The following LGSN variants were observed in gnomAD, a reference collection of about 807,000 sequenced individuals.
The protein encoded by LGSN is lengsin.
In LGSN, 21 loss-of-function variants were observed where a neutral mutation model predicts 19.5. The ratio of observed to expected loss-of-function variants is 1.07; its 90% CI spans 0.76 to 1.55. LGSN has a LOEUF of 1.55. LGSN is among the 40% of genes most tolerant of loss of function. The pLI is 0.00. For synonymous variants in LGSN, 257 were observed against 215.6 expected, an observed-to-expected ratio of 1.19 and a Z score of -1.68; for missense variants, 673 against 608.5, an observed-to-expected ratio of 1.11 and a Z score of -1.12.
chr6:63,467,091 AG>A, the LGSN span, among the ~76,000 whole-genome samples: 8 of 152,276 alleles, frequency 5.3e-5, no homozygotes, highest in East Asian at 1.2e-3. Flanking sequence ...CCACCATTAA[AG>A]GGTCCAGGAA....
At chr6:63,348,481 G>A in the LGSN span, among the ~76,000 whole-genome samples, 7,160 of 152,004 alleles carry the variant, frequency 0.047, 327 homozygotes, top group African/African-American at 0.12. Flanking sequence ...ATATGGAAAT[G>A]TAATTAAGCA....
chr6:63,364,282 A>C, the LGSN span, among the ~76,000 whole-genome samples: 18 of 152,204 alleles, frequency 1.2e-4, no homozygotes, highest in Admixed American at 1.1e-3. Context: ...AACGGGTTGC[A>C]ATCCCAGTCT....
chr6:63,490,405 A>C, the LGSN span, among the ~76,000 whole-genome samples: 1 of 152,158 alleles, frequency 6.6e-6, no homozygotes, highest in Non-Finnish European at 1.5e-5. Flanking sequence ...ATGACCAATC[A>C]AGCAAAAAAC....
chr6:63,547,126 T>G, the LGSN span, among the ~76,000 whole-genome samples: 1 of 152,218 alleles, frequency 6.6e-6, no homozygotes, highest in African/African-American at 2.4e-5. Flanking sequence ...TATAATAAGA[T>G]TAATCACTCT....
At chr6:63,497,228 C>T in the LGSN span, among the ~76,000 whole-genome samples, 1 of 152,048 alleles carries the variant, frequency 6.6e-6, no homozygotes, top group Non-Finnish European at 1.5e-5. Flanking sequence ...GCCTCAGCCT[C>T]CCAAAGTGGT....
chr6:63,290,537 A>G (rs371804771), intron 2 of LGSN, among the ~76,000 whole-genome samples: 1 of 152,324 alleles, frequency 6.6e-6, no homozygotes, highest in East Asian at 1.9e-4. Context: ...TTATGTAAAA[A>G]TCTTGAGTTC....
chr6:63,528,745 A>G, the LGSN span, among the ~76,000 whole-genome samples: 3 of 152,110 alleles, frequency 2.0e-5, no homozygotes, highest in East Asian at 5.8e-4. Context: ...CCTGGGGGAC[A>G]GAGTGAGACC....
chr6:63,321,481 A>G (rs1769080817), upstream of LGSN, among the ~76,000 whole-genome samples: 1 of 152,108 alleles, frequency 6.6e-6, no homozygotes, highest in Non-Finnish European at 1.5e-5. Context: ...TTTTATTGTT[A>G]TTGAATATGC....
At chr6:63,551,624 T>C in the LGSN span, among the ~76,000 whole-genome samples, 2,691 of 152,250 alleles carry the variant, frequency 0.018, 33 homozygotes, top group South Asian at 0.038. Flanking sequence ...GCCATGTTGG[T>C]GTGCTGCACC....
At chr6:63,512,863 C>G in the LGSN span, among the ~76,000 whole-genome samples, 4 of 152,220 alleles carry the variant, frequency 2.6e-5, no homozygotes, top group Non-Finnish European at 5.9e-5. Context: ...AATCCACTCA[C>G]TCTATTCTTT....
the LGSN span, among the ~76,000 whole-genome samples, chr6:63,538,456 A>G: frequency 1.3e-5 from 2 of 152,224 alleles, no homozygotes; most frequent in African/African-American, 4.8e-5. Flanking sequence ...CATAATAAAA[A>G]TTAGATTAGT....
chr6:63,467,152 T>C, the LGSN span, among the ~76,000 whole-genome samples: 1 of 152,046 alleles, frequency 6.6e-6, no homozygotes, highest in Non-Finnish European at 1.5e-5. Context: ...CTATAAAAGA[T>C]AAGAATTTGT....
the LGSN span, among the ~76,000 whole-genome samples, chr6:63,391,637 A>G: frequency 6.6e-6 from 1 of 152,098 alleles, no homozygotes; most frequent in East Asian, 1.9e-4. Flanking sequence ...TTCCCTCCAA[A>G]TTCCCAAGGG....
At chr6:63,481,425 C>T in the LGSN span, among the ~76,000 whole-genome samples, 1 of 151,926 alleles carries the variant, frequency 6.6e-6, no homozygotes, top group South Asian at 2.1e-4. Flanking sequence ...TCACTGCAAC[C>T]TCTACCTCCC....
chr6:63,561,182 T>A, the LGSN span, among the ~76,000 whole-genome samples: 1 of 152,196 alleles, frequency 6.6e-6, no homozygotes, highest in African/African-American at 2.4e-5. Context: ...CAGGGACTCT[T>A]GCAGTTAAGC....
At chr6:63,425,641 A>G in the LGSN span, among the ~76,000 whole-genome samples, 1 of 152,128 alleles carries the variant, frequency 6.6e-6, no homozygotes, top group Non-Finnish European at 1.5e-5. Flanking sequence ...GGAAGTAGGT[A>G]TACATAAAAG....
chr6:63,495,949 C>T, the LGSN span, among the ~76,000 whole-genome samples: 6 of 151,636 alleles, frequency 4.0e-5, no homozygotes, highest in South Asian at 4.2e-4. Context: ...AAAAAAAAGA[C>T]AGAGTCTCAC....
the LGSN span, among the ~76,000 whole-genome samples, chr6:63,370,276 G>T: frequency 3.5e-4 from 53 of 152,292 alleles, no homozygotes; most frequent in East Asian, 9.4e-3. Flanking sequence ...CCAGGTACAG[G>T]TATAGAAGCT....
the LGSN span, among the ~76,000 whole-genome samples, chr6:63,345,488 C>T: frequency 5.9e-5 from 9 of 152,168 alleles, no homozygotes; most frequent in Non-Finnish European, 1.2e-4. Flanking sequence ...ACAGTATCTT[C>T]ATGATGAGAC....
Sources: allele counts gnomAD v4.1 joint callset (sites outside exome capture counted in the v4.1 genomes callset), GRCh38; gene constraint gnomAD v4.1.1; transcripts MANE v1.5; gene names NCBI Gene and HGNC (gene_info 2026-07-23, HGNC 2026-07-21).